The following AXDND1 variants were observed in gnomAD, a reference collection of about 807,000 sequenced individuals.
AXDND1 encodes the protein axonemal dynein light chain domain containing 1, also known as axonemal dynein light chain domain-containing protein 1.
A neutral mutation model predicts 137.5 loss-of-function variants in AXDND1; 110 were observed. The ratio of observed to expected loss-of-function variants is 0.80; its 90% CI spans 0.69 to 0.94. The LOEUF (loss-of-function observed/expected upper bound fraction) is 0.94. Among genes scored for constraint, AXDND1 ranks in the 40% least tolerant of loss-of-function variants. AXDND1 has a pLI of 0.00. For missense variants in AXDND1, 1,191 were observed against 1,169.8 expected (o/e 1.02, Z -0.26); for synonymous variants, 414 against 399.7 (o/e 1.04, Z -0.43).
chr1:179,505,310 T>TGG (rs66707913), intron 20 of AXDND1, among the ~76,000 whole-genome samples: 1 of 151,926 alleles, frequency 6.6e-6, no homozygotes, highest in African/African-American at 2.4e-5. Flanking sequence ...CTAATGTTTC[T>TGG]GCTTCTTTCC....
intron 16 of AXDND1, among the ~76,000 whole-genome samples, chr1:179,458,735 G>A (rs1158923824): frequency 6.6e-6 from 1 of 151,396 alleles, no homozygotes; most frequent in Non-Finnish European, 1.5e-5. Context: ...AATATCCCTA[G>A]AAAAAAACTA....
intron 17 of AXDND1, among the ~76,000 whole-genome samples, chr1:179,476,923 T>C (rs1011701908): frequency 6.6e-6 from 1 of 152,214 alleles, no homozygotes; most frequent in Non-Finnish European, 1.5e-5. Context: ...AGATCCTGTT[T>C]CTTTGAATAT....
intron 3 of AXDND1, 21 bp from the exon 4 acceptor site, chr1:179,369,954 T>C: frequency 6.4e-6 from 10 of 1,557,980 alleles, no homozygotes; most frequent in Non-Finnish European, 8.9e-6. Context: ...TGGATATTCA[T>C]GTGTATTTGC....
At chr1:179,539,198 G>T (rs935621538) in intron 25 of AXDND1, among the ~76,000 whole-genome samples, 71 of 152,162 alleles carry the variant, frequency 4.7e-4, no homozygotes, top group African/African-American at 1.6e-3. Flanking sequence ...CATTTAAGGT[G>T]AATATTGTTA....
intron 16 of AXDND1, among the ~76,000 whole-genome samples, chr1:179,464,542 T>G (rs982050142): frequency 6.6e-6 from 1 of 152,210 alleles, no homozygotes; most frequent in Non-Finnish European, 1.5e-5. Flanking sequence ...GTGGCTGCCC[T>G]TAACATTTTT....
intron 2 of AXDND1, among the ~76,000 whole-genome samples, chr1:179,367,367 A>AG (rs1053470446): frequency 4.4e-4 from 67 of 151,446 alleles, no homozygotes; most frequent in African/African-American, 5.1e-4. Flanking sequence ...TACAAAAATT[A>AG]GGGGGGGCGT....
intron 9 of AXDND1, among the ~76,000 whole-genome samples, chr1:179,388,547 C>T (rs1649577491): frequency 6.6e-6 from 1 of 152,056 alleles, no homozygotes; most frequent in East Asian, 1.9e-4. Flanking sequence ...GTCTATTATG[C>T]TATAACCCAT....
At position 179,445,204 on chromosome 1, in the gene AXDND1, G is replaced by T. The variant is rs764914335; in HGVS notation, c.1798G>T (p.Gly600Cys). Residue 600 changes from glycine to cysteine, a missense_variant and splice_region_variant, in exon 16 of 26, where the codon GGT becomes TGT. Coordinates refer to ENST00000367618, the MANE Select transcript of AXDND1 (RefSeq NM_144696.6). The stretch of plus-strand genomic sequence containing the variant: ...TGAAATAAGAATAAATGGGGACAAT[G>T]GTAAGAAAATACTCATAATAATTAG... ...EYEIRINGDN[G>C]YSKILPSLIS... 9.9e-6 allele frequency: 15 copies of T among 1,520,506 alleles called. No homozygotes were observed. Among genetic ancestry groups the T allele is most frequent in the Non-Finnish European group, 1.3e-5 (15 of 1,117,444 alleles). The allele number at this position is 1,520,506 out of a possible 1,614,324, so 94.2% of individuals were successfully genotyped here. A position where few individuals can be genotyped will look rare whatever the true frequency, so the allele number is the denominator to read the frequency against.
chr1:179,525,479 ACAT>A, intron 22 of AXDND1, 32 bp downstream of exon 22: 5 of 510,072 alleles, frequency 9.8e-6, no homozygotes, highest in Non-Finnish European at 1.4e-5. Flanking sequence ...TTTTCCTCCT[ACAT>A]ACATACATAC....
At chr1:179,485,622 CAAG>C (rs763154869) in intron 18 of AXDND1, among the ~76,000 whole-genome samples, 6 of 152,180 alleles carry the variant, frequency 3.9e-5, no homozygotes, top group Non-Finnish European at 7.3e-5. Context: ...TCTGGCAACT[CAAG>C]AAGCCAGAGT....
At chr1:179,499,079 C>G (rs1590779) in intron 20 of AXDND1, among the ~76,000 whole-genome samples, 152,009 of 152,296 alleles carry the variant, frequency 1, 75,863 homozygotes, top group Non-Finnish European at 1. Flanking sequence ...CCATTACTGT[C>G]TACATACCAA....
intron 12 of AXDND1, 66 bp from the exon 13 acceptor site, chr1:179,429,452 A>C: frequency 1.3e-6 from 1 of 777,204 alleles, no homozygotes; most frequent in Admixed American, 3.3e-5. Context: ...ATATGAAATC[A>C]CTGTAATAAA....
chr1:179,431,659 G>T (rs1657404119), intron 14 of AXDND1, among the ~76,000 whole-genome samples: 1 of 151,720 alleles, frequency 6.6e-6, no homozygotes, highest in African/African-American at 2.4e-5. Flanking sequence ...CCCCCTTAAA[G>T]GTTTCCCCAT....
intron 21 of AXDND1, among the ~76,000 whole-genome samples, chr1:179,510,194 A>C (rs999892938): frequency 2.0e-5 from 3 of 152,090 alleles, no homozygotes; most frequent in Admixed American, 2.0e-4. Context: ...TGTACACACT[A>C]CCTATTACTG....
chr1:179,406,253 T>C (rs1652947175), intron 11 of AXDND1, among the ~76,000 whole-genome samples: 1 of 152,220 alleles, frequency 6.6e-6, no homozygotes, highest in African/African-American at 2.4e-5. Context: ...AAATATGTAT[T>C]GAGACTTATT....
In AXDND1 at chr1:179,491,735, C is replaced by A; in HGVS notation, c.2289C>A (p.Ser763Arg). The stretch of plus-strand genomic sequence containing the variant: ...TGTACCAATACTCCAGCTATTTGAG[C>A]AGGTGAAGCGGTTATTTTATTGTTG... ...RKLYQYSSYL[S>R]SCCKGMVTAM... Residue 763 changes from serine to arginine, a missense_variant and splice_region_variant, in exon 19 of 26, where the codon AGC becomes AGA. Coordinates refer to ENST00000367618, the MANE Select transcript of AXDND1 (RefSeq NM_144696.6). The A allele has an allele frequency of 6.5e-7, 1 of 1,549,382 alleles. No homozygotes were observed.
intron 14 of AXDND1, 23 bp from the exon 15 acceptor site, chr1:179,432,243 TC>T: frequency 2.0e-6 from 3 of 1,500,034 alleles, no homozygotes; most frequent in Non-Finnish European, 1.8e-6. Flanking sequence ...GAGATGTTTC[TC>T]TTTTTTTTTT....
chr1:179,479,548 T>C (rs10913787), intron 17 of AXDND1, among the ~76,000 whole-genome samples: 68,605 of 148,976 alleles, frequency 0.46, 16,499 homozygotes, highest in East Asian at 0.75. Flanking sequence ...GAGGCTGAGG[T>C]GGGCGGATCA....
At chr1:179,408,196 T>C (rs1653275233) in intron 11 of AXDND1, among the ~76,000 whole-genome samples, 1 of 152,200 alleles carries the variant, frequency 6.6e-6, no homozygotes, top group Non-Finnish European at 1.5e-5. Flanking sequence ...GTTCTTTATC[T>C]GTGTGTCTTG....
Sources: gnomAD v4.1 joint callset for allele counts (sites outside exome capture counted in the v4.1 genomes callset) on GRCh38, gnomAD v4.1.1 for gene constraint, MANE v1.5 for transcripts, NCBI Gene and HGNC (gene_info 2026-07-23, HGNC 2026-07-21) for gene names.